TPD52L2: variants seen among roughly 807,000 people sequenced by gnomAD.
TPD52L2 encodes TPD52 like 2.
A neutral mutation model predicts 24.7 loss-of-function variants in TPD52L2; 19 were observed. The ratio of observed to expected loss-of-function variants is 0.77; its 90% CI spans 0.54 to 1.13. The LOEUF (loss-of-function observed/expected upper bound fraction) is 1.13, where lower values mean the gene tolerates loss of function less well. Among genes scored for constraint, TPD52L2 ranks in the 50% most tolerant of loss-of-function variants. The pLI is 0.00. For missense variants in TPD52L2, 236 were observed against 250.4 expected (o/e 0.94, Z 0.39); for synonymous variants, 104 against 100.2 (o/e 1.04, Z -0.23).
chr20:63,885,931 G>A (rs2053076412), intron 5 of TPD52L2: 11 of 1,472,932 alleles, frequency 7.5e-6, no homozygotes, highest in Middle Eastern at 1.8e-4. Flanking sequence ...GCCTCCCCTG[G>A]GGCTCCCCGA....
rs531574598 is a variant in TPD52L2 at position 63,868,050 on chromosome 20, A to G, written c.20-1246A>G. On this transcript the variant is annotated intron_variant, in intron 1 of 6. Transcript: ENST00000346249. ...TGCCTCAGCCTCCCAAGTAGCTGGG[A>G]ACTACAGGCGCGTGCCACCACGCTA... 2.6e-4 allele frequency among the ~76,000 whole-genome samples: 39 copies of G among 151,516 alleles called. No individual in the cohort carries two copies. In the East Asian group the frequency reaches 4.1e-3, roughly 16 times the overall value.
chr20:63,872,862 C>G (rs1190674933), intron 2 of TPD52L2, among the ~76,000 whole-genome samples: 1 of 152,072 alleles, frequency 6.6e-6, no homozygotes, highest in African/African-American at 2.4e-5. Flanking sequence ...CGCCACCGTG[C>G]CTGGCTAATT....
intron 2 of TPD52L2, among the ~76,000 whole-genome samples, chr20:63,871,779 G>T (rs1016275708): frequency 1.3e-5 from 2 of 151,756 alleles, no homozygotes; most frequent in Admixed American, 1.3e-4. Flanking sequence ...GGTTACAGGT[G>T]CATGCCACCA....
Position 63,883,915 on chromosome 20 carries a change from C to T in TPD52L2, c.476+1095C>T, listed in dbSNP as rs549420590. Reference sequence around the variant, plus strand: ...TGGTTGCCAGGTGGGGGTCGTCCTGCGCCAGTGCTTTCCCCTGACCACTAA... The same window carrying T: ...TGGTTGCCAGGTGGGGGTCGTCCTGTGCCAGTGCTTTCCCCTGACCACTAA... On this transcript the variant is annotated intron_variant, in intron 5 of 6. Coordinates refer to ENST00000346249, the MANE Select transcript of TPD52L2 (RefSeq NM_003288.4). 2.0e-5 allele frequency among the ~76,000 whole-genome samples: 3 copies of T among 152,168 alleles called. No individual in the cohort carries two copies. In the South Asian group the frequency reaches 6.2e-4, roughly 32 times the overall value.
chr20:63,882,894 A>G, intron 5 of TPD52L2, 74 bp downstream of exon 5: 1 of 1,207,550 alleles, frequency 8.3e-7, no homozygotes, highest in Non-Finnish European at 1.2e-6. Flanking sequence ...GTGCTACAGG[A>G]AGCCTGCCTG....
chr20:63,865,864 G>A (rs2052204732), intron 1 of TPD52L2, among the ~76,000 whole-genome samples: 1 of 152,202 alleles, frequency 6.6e-6, no homozygotes, highest in Non-Finnish European at 1.5e-5. Flanking sequence ...CTCCCCTTGG[G>A]CAGCAACTCT....
chr20:63,889,786 G>A, intron 6 of TPD52L2, 64 bp from the exon 7 acceptor site: 1 of 1,485,894 alleles, frequency 6.7e-7, no homozygotes, highest in Non-Finnish European at 9.3e-7. Flanking sequence ...CATGGGCCTG[G>A]GATCTGCCTT....
At chr20:63,887,471 C>G (rs986727988) in intron 5 of TPD52L2, 8 of 1,380,704 alleles carry the variant, frequency 5.8e-6, no homozygotes, top group Non-Finnish European at 8.2e-6. Context: ...TGGGGGAATC[C>G]CAGCTCTGCC....
At chr20:63,878,303 T>C (rs1232450494) in intron 4 of TPD52L2, among the ~76,000 whole-genome samples, 1 of 152,204 alleles carries the variant, frequency 6.6e-6, no homozygotes, top group Non-Finnish European at 1.5e-5. Flanking sequence ...CAGTGGGTCA[T>C]GTCTGAATGC....
intron 4 of TPD52L2, among the ~76,000 whole-genome samples, chr20:63,881,978 A>G (rs1172320017): frequency 2.0e-5 from 3 of 152,140 alleles, no homozygotes; most frequent in African/African-American, 7.2e-5. Context: ...CTTTGATGGG[A>G]TGTACCCATG....
intron 2 of TPD52L2, among the ~76,000 whole-genome samples, chr20:63,872,752 G>T (rs549304920): frequency 1.3e-5 from 2 of 151,134 alleles, no homozygotes; most frequent in South Asian, 4.2e-4. Flanking sequence ...ACCCAGGCTG[G>T]AGTGCAGTGG....
intron 3 of TPD52L2, 148 bp downstream of exon 3, chr20:63,873,964 C>G (rs1003078906): frequency 4.4e-6 from 4 of 913,132 alleles, no homozygotes; most frequent in African/African-American, 1.8e-5. Context: ...GAGAGAGGCT[C>G]TGAGCCCTTG....
intron 5 of TPD52L2, among the ~76,000 whole-genome samples, chr20:63,883,823 TG>T (rs201820332): frequency 0.27 from 38,699 of 142,968 alleles, 5,314 homozygotes; most frequent in East Asian, 0.35. Context: ...CTGGGCTGCC[TG>T]CCTGCCTGCC....
chr20:63,883,195 CAG>C (rs1455605864), intron 5 of TPD52L2, among the ~76,000 whole-genome samples: 7 of 152,172 alleles, frequency 4.6e-5, no homozygotes, highest in African/African-American at 7.2e-5. Flanking sequence ...ATCTCTAGGA[CAG>C]GGGCTCGGCG....
At chr20:63,886,152 G>A in intron 5 of TPD52L2, 1 of 1,094,128 alleles carries the variant, frequency 9.1e-7, no homozygotes, top group Non-Finnish European at 1.4e-6. Flanking sequence ...GTGAAAGTGG[G>A]ATCACCCCTT....
intron 5 of TPD52L2, chr20:63,887,860 A>C (rs2053192261): frequency 1.8e-6 from 1 of 558,432 alleles, no homozygotes; most frequent in African/African-American, 1.9e-5. Flanking sequence ...TGTCCTTTCC[A>C]AGTCCTGACC....
At position 63,866,500 on chromosome 20, in the gene TPD52L2, G is replaced by A. The variant is rs868143257; in HGVS notation, c.19+1116G>A. ...TTTTGAGATGGAGTCTCACTCTGTC[G>A]CCCAGGCTGGAGCGCAGTGGCTAGA... On this transcript the variant is annotated intron_variant, in intron 1 of 6. Transcript: ENST00000346249. Among the ~76,000 whole-genome samples, 10 of 149,668 alleles carry A rather than the reference G, an allele frequency of 6.7e-5. No individual in the cohort carries two copies. In the South Asian group the frequency reaches 8.5e-4, roughly 13 times the overall value.
At chr20:63,865,405 C>T in intron 1 of TPD52L2, 21 bp downstream of exon 1, 1 of 1,528,456 alleles carries the variant, frequency 6.5e-7, no homozygotes. Context: ...GGCCCGGCCC[C>T]TTCGCCGCAG....
intron 4 of TPD52L2, among the ~76,000 whole-genome samples, chr20:63,878,562 G>A (rs1026216227): frequency 6.6e-6 from 1 of 152,194 alleles, no homozygotes; most frequent in African/African-American, 2.4e-5. Flanking sequence ...GCCCAACAGT[G>A]TGGCCCCATA....
Sources: gnomAD v4.1 joint callset for allele counts (sites outside exome capture counted in the v4.1 genomes callset) on GRCh38, gnomAD v4.1.1 for gene constraint, MANE v1.5 for transcripts, NCBI Gene and HGNC (gene_info 2026-07-23, HGNC 2026-07-21) for gene names.